TPD52L1: variants seen among roughly 807,000 people sequenced by gnomAD.
TPD52L1 encodes the protein TPD52 like 1, also known as tumor protein D53.
TPD52L1 carries 18 observed loss-of-function variants against 28.7 expected under a neutral mutation model. That is an observed-to-expected ratio of 0.63 (90% CI 0.43 to 0.93). The LOEUF is 0.93. Among genes scored for constraint, TPD52L1 ranks in the 40% least tolerant of loss-of-function variants. TPD52L1 has a pLI of 0.00. For synonymous variants in TPD52L1, 75 were observed against 88.8 expected (o/e 0.84, Z 0.88); for missense variants, 203 against 254.8 (o/e 0.80, Z 1.39).
chr6:125,153,912 C>T lies in TPD52L1; in HGVS notation c.-40C>T, dbSNP rs1045143517. 6.3e-7 allele frequency: 1 copy of T among 1,592,016 alleles called. No individual in the cohort carries two copies. The highest frequency in any genetic ancestry group is 8.5e-7 in the Non-Finnish European group (1 of 1,174,256). On this transcript the variant is annotated 5_prime_UTR_variant, in exon 1 of 7. Coordinates refer to ENST00000534000, the MANE Select transcript of TPD52L1 (RefSeq NM_003287.4). ...CAGCTGCCATCTGCTCTGGGAAGCA[C>T]CAGGGTGTCCCCGCCGCCCTCAGCT...
At position 125,209,565 on chromosome 6, in the gene TPD52L1, T is replaced by C. The variant is rs1393487423; in HGVS notation, c.20-10513T>C. 2.0e-5 allele frequency among the ~76,000 whole-genome samples: 3 copies of C among 152,170 alleles called. No individual in the cohort carries two copies. The East Asian group carries it at 5.8e-4, about 29-fold the overall frequency. On this transcript the variant is annotated intron_variant, in intron 1 of 6. Coordinates refer to ENST00000534000, the MANE Select transcript of TPD52L1 (RefSeq NM_003287.4). Reference sequence around the variant, plus strand: ...GGCCACATCTTAATTACCAGACCTATCTTCAGAATCCAAATAGAGACCACA... The same window carrying C: ...GGCCACATCTTAATTACCAGACCTACCTTCAGAATCCAAATAGAGACCACA...
intron 6 of TPD52L1, among the ~76,000 whole-genome samples, chr6:125,259,037 C>T (rs961649398): frequency 2.0e-5 from 3 of 152,104 alleles, no homozygotes; most frequent in African/African-American, 7.2e-5. Context: ...TATGTATAAC[C>T]CTTTTTTATA....
intron 1 of TPD52L1, among the ~76,000 whole-genome samples, chr6:125,219,003 G>T (rs1554211175): frequency 6.6e-6 from 1 of 152,224 alleles, no homozygotes; most frequent in Non-Finnish European, 1.5e-5. Context: ...AGAAAGGACA[G>T]ACTCCTACCC....
At chr6:125,234,544 G>C (rs1430217068) in intron 3 of TPD52L1, 1 of 152,118 alleles carries the variant, frequency 6.6e-6, no homozygotes, top group South Asian at 2.1e-4. Flanking sequence ...AAAACATATT[G>C]TTCCTCTGCT....
At chr6:125,182,684 T>C (rs1792285211) in intron 1 of TPD52L1, among the ~76,000 whole-genome samples, 1 of 152,206 alleles carries the variant, frequency 6.6e-6, no homozygotes, top group Non-Finnish European at 1.5e-5. Flanking sequence ...CCATTCTCCC[T>C]ACAGTTTCTT....
intron 4 of TPD52L1, chr6:125,252,204 T>C (rs1797315042): frequency 1.6e-6 from 1 of 644,534 alleles, no homozygotes; most frequent in African/African-American, 1.8e-5. Flanking sequence ...CTTAATACAT[T>C]TGAACTTATT....
chr6:125,167,044 C>G (rs566968404), intron 1 of TPD52L1, among the ~76,000 whole-genome samples: 1 of 152,154 alleles, frequency 6.6e-6, no homozygotes, highest in Admixed American at 6.5e-5. Context: ...ACTGCTTGAA[C>G]CCAGGAGCTC....
intron 1 of TPD52L1, among the ~76,000 whole-genome samples, chr6:125,217,300 T>C (rs1028973391): frequency 1.3e-5 from 2 of 152,154 alleles, no homozygotes; most frequent in Non-Finnish European, 2.9e-5. Flanking sequence ...TATTATTACA[T>C]TGTAATATAT....
At chr6:125,246,300 G>A (rs1282813642) in intron 3 of TPD52L1, among the ~76,000 whole-genome samples, 2 of 152,132 alleles carry the variant, frequency 1.3e-5, no homozygotes, top group South Asian at 2.1e-4. Context: ...TCGCACTCTA[G>A]GAACTCAGTT....
At chr6:125,206,304 T>G (rs1794132933) in intron 1 of TPD52L1, among the ~76,000 whole-genome samples, 1 of 152,172 alleles carries the variant, frequency 6.6e-6, no homozygotes, top group Non-Finnish European at 1.5e-5. Flanking sequence ...TGTGTCTTAG[T>G]GCAATTTATA....
At chr6:125,214,071 T>G (rs1794697556) in intron 1 of TPD52L1, among the ~76,000 whole-genome samples, 2 of 152,144 alleles carry the variant, frequency 1.3e-5, no homozygotes, top group African/African-American at 4.8e-5. Context: ...ATGGGAGCTT[T>G]GGCCTGTGGT....
At chr6:125,180,968 G>A (rs983851917) in intron 1 of TPD52L1, among the ~76,000 whole-genome samples, 25 of 148,774 alleles carry the variant, frequency 1.7e-4, no homozygotes, top group African/African-American at 6.5e-4. Context: ...GGAGGCTGGT[G>A]TTGCTCTTGT....
chr6:125,172,723 G>T, intron 1 of TPD52L1, among the ~76,000 whole-genome samples: 1 of 147,172 alleles, frequency 6.8e-6, no homozygotes, highest in Non-Finnish European at 1.5e-5. Context: ...AGTTCTACAG[G>T]CCCAAGATAT....
At chr6:125,166,995 G>T (rs896974992) in intron 1 of TPD52L1, among the ~76,000 whole-genome samples, 2 of 152,114 alleles carry the variant, frequency 1.3e-5, no homozygotes, top group Admixed American at 1.3e-4. Context: ...GGTGGCTCAT[G>T]CCTGTAATTC....
chr6:125,257,222 C>A, intron 6 of TPD52L1, 64 bp downstream of exon 6: 1 of 1,449,464 alleles, frequency 6.9e-7, no homozygotes, highest in Non-Finnish European at 9.6e-7. Context: ...GCCATTGCTG[C>A]GGTTAGTTTA....
intron 1 of TPD52L1, among the ~76,000 whole-genome samples, chr6:125,187,293 G>A (rs1027624495): frequency 2.0e-5 from 3 of 152,146 alleles, no homozygotes; most frequent in Non-Finnish European, 4.4e-5. Flanking sequence ...AATTCCAATT[G>A]CTGACAAGGA....
chr6:125,208,027 G>A (rs574431699), intron 1 of TPD52L1, among the ~76,000 whole-genome samples: 5 of 152,298 alleles, frequency 3.3e-5, no homozygotes, highest in Middle Eastern at 3.4e-3. Flanking sequence ...CAGCTGCTTC[G>A]AGAAAGTTCC....
chr6:125,213,654 T>C (rs1794663480), intron 1 of TPD52L1, among the ~76,000 whole-genome samples: 1 of 152,160 alleles, frequency 6.6e-6, no homozygotes, highest in Non-Finnish European at 1.5e-5. Context: ...TTCTGAATCC[T>C]ATCCATGGTT....
At chr6:125,154,788 G>C (rs566635806) in intron 1 of TPD52L1, among the ~76,000 whole-genome samples, 1 of 152,324 alleles carries the variant, frequency 6.6e-6, no homozygotes, top group East Asian at 1.9e-4. Flanking sequence ...CAAGTGGGAA[G>C]GAAACGGACT....
Sources: allele counts gnomAD v4.1 joint callset (sites outside exome capture counted in the v4.1 genomes callset), GRCh38; gene constraint gnomAD v4.1.1; transcripts MANE v1.5; gene names NCBI Gene and HGNC (gene_info 2026-07-23, HGNC 2026-07-21).